The following ARHGEF18 variants were observed in gnomAD, a reference collection of about 807,000 sequenced individuals.
The protein encoded by ARHGEF18 is Rho/Rac guanine nucleotide exchange factor 18, also known as rho guanine nucleotide exchange factor 18.
In ARHGEF18, 93 loss-of-function variants were observed where a neutral mutation model predicts 155.7. That is an observed-to-expected ratio of 0.60 (90% CI 0.50 to 0.71). The LOEUF is 0.71. Among genes scored for constraint, ARHGEF18 ranks in the 30% least tolerant of loss-of-function variants. The pLI, the probability that ARHGEF18 is intolerant of heterozygous loss-of-function variation, is 0.00. For missense variants in ARHGEF18, 1,593 were observed against 1,816.1 expected (o/e 0.88, Z 2.23); for synonymous variants, 742 against 753.1 (o/e 0.99, Z 0.24).
the ARHGEF18 span, among the ~76,000 whole-genome samples, chr19:7,479,983 GC>G: frequency 2.6e-5 from 4 of 152,128 alleles, no homozygotes; most frequent in African/African-American, 9.7e-5. Context: ...TAAAGTCTGG[GC>G]CGGGAGTGGT....
chr19:7,472,977 C>T (rs747078045), downstream of ARHGEF18: 20 of 455,934 alleles, frequency 4.4e-5, no homozygotes, highest in African/African-American at 1.8e-4. Context: ...GCTGGGATTA[C>T]GGGCACAGGG....
At chr19:7,371,520 T>TA (rs1289337537) in intron 2 of ARHGEF18, among the ~76,000 whole-genome samples, 2 of 151,950 alleles carry the variant, frequency 1.3e-5, no homozygotes, top group South Asian at 2.1e-4. Flanking sequence ...CCGTCTCTAA[T>TA]AAAAAATATA....
intron 3 of ARHGEF18, among the ~76,000 whole-genome samples, chr19:7,375,361 G>GAAAGAAAAAGAAAGAA (rs1970402990): frequency 1.6e-5 from 2 of 122,620 alleles, no homozygotes; most frequent in African/African-American, 6.8e-5. Context: ...AGAAAAGGAA[G>GAAAGAAAAAGAAAGAA]GAAGGAAGGA....
At chr19:7,475,416 G>A (rs1442653280), downstream of ARHGEF18, among the ~76,000 whole-genome samples, 1 of 152,166 alleles carries the variant, frequency 6.6e-6, no homozygotes, top group African/African-American at 2.4e-5. Flanking sequence ...ATGTTCTAAG[G>A]TTGACTGTGG....
chr19:7,424,486 C>A (rs780773372), intron 10 of ARHGEF18, among the ~76,000 whole-genome samples: 2 of 152,112 alleles, frequency 1.3e-5, no homozygotes, highest in Non-Finnish European at 2.9e-5. Flanking sequence ...AATTGGAATG[C>A]CTCGAATGTC....
intron 15 of ARHGEF18, among the ~76,000 whole-genome samples, chr19:7,448,677 A>G (rs1472404936): frequency 2.0e-5 from 3 of 151,916 alleles, no homozygotes; most frequent in African/African-American, 7.3e-5. Flanking sequence ...AATACAAAAA[A>G]AAAAAAGGAG....
In ARHGEF18 at chr19:7,376,757, G is replaced by C; in HGVS notation, c.541G>C (p.Gly181Arg). 8.1e-7 allele frequency: 1 copy of C among 1,234,280 alleles called. No individual in the cohort carries two copies. The highest frequency in any genetic ancestry group is 1.0e-6 in the Non-Finnish European group (1 of 988,084). 76.5% of individuals were successfully genotyped at this position (1,234,280 alleles called of 1,614,324 possible). ...GGAAGTGCCCACTCCACCTGTTCAA[G>C]GTAGCCAGCCTGGGAGTTTCCTTCA... The part of the protein sequence containing the change: ...GLEVPTPPVQ[G>R]LEPPVLECME... Residue 181 changes from glycine (G) to arginine (R), a missense_variant and splice_region_variant, in exon 5 of 29, where the codon GGC (glycine) becomes CGC (arginine). By Grantham distance (125) the Gly-to-Arg change is moderately radical. Transcript: ENST00000668164.
intron 10 of ARHGEF18, among the ~76,000 whole-genome samples, chr19:7,385,387 G>A (rs189784523): frequency 6.6e-6 from 1 of 151,830 alleles, no homozygotes; most frequent in Admixed American, 6.6e-5. Context: ...GTCACCCAAG[G>A]TCTTGTATGT....
chr19:7,479,210 G>A, the ARHGEF18 span, among the ~76,000 whole-genome samples: 13 of 152,310 alleles, frequency 8.5e-5, no homozygotes, highest in East Asian at 1.9e-4. Flanking sequence ...TGGGCCAAGC[G>A]CGATGGCTCA....
intron 14 of ARHGEF18, among the ~76,000 whole-genome samples, chr19:7,446,025 T>C (rs1568342737): frequency 6.6e-6 from 1 of 152,134 alleles, no homozygotes. Context: ...AAGCAGAAGG[T>C]TTTTTTATTT....
At chr19:7,367,315 T>C (rs1285303928) in intron 2 of ARHGEF18, among the ~76,000 whole-genome samples, 1 of 152,082 alleles carries the variant, frequency 6.6e-6, no homozygotes, top group Non-Finnish European at 1.5e-5. Context: ...TTGAAAACCA[T>C]CTGCCCTGTG....
chr19:7,389,615 C>A (rs188564239), intron 10 of ARHGEF18, among the ~76,000 whole-genome samples: 1 of 151,542 alleles, frequency 6.6e-6, no homozygotes, highest in African/African-American at 2.4e-5. Flanking sequence ...CTCACTGCAA[C>A]CTCCACCTCC....
intron 1 of ARHGEF18, among the ~76,000 whole-genome samples, chr19:7,352,053 T>C (rs1969170839): frequency 6.6e-6 from 1 of 152,114 alleles, no homozygotes; most frequent in South Asian, 2.1e-4. Flanking sequence ...ATTGTCTGTG[T>C]TTCTTCTTGT....
At chr19:7,369,321 C>A (rs565654588) in intron 2 of ARHGEF18, among the ~76,000 whole-genome samples, 1 of 151,820 alleles carries the variant, frequency 6.6e-6, no homozygotes, top group Admixed American at 6.6e-5. Flanking sequence ...ATTAGCTGGG[C>A]GTGGTGGCAC....
rs555456960 is a variant in ARHGEF18 at position 7,437,489 on chromosome 19, G to A, written c.968-2855G>A. On this transcript the variant is annotated intron_variant, in intron 10 of 28. Transcript: ENST00000668164. ...CTCCCAGGAGAGCTGCTGCGAGTAC[G>A]TTTTCCCTAGGGTAAGCTCTGCCCA... Among the ~76,000 whole-genome samples, 12 of 151,404 alleles carry A rather than the reference G, an allele frequency of 7.9e-5. No homozygotes were observed. The South Asian group carries it at 1.3e-3, about 16-fold the overall frequency.
At position 7,470,512 on chromosome 19, in the gene ARHGEF18, ATC is replaced by A. The variant is rs201869076; in HGVS notation, c.*218_*219del. On this transcript the variant is annotated 3_prime_UTR_variant, in exon 29 of 29. Coordinates refer to ENST00000668164, the MANE Select transcript of ARHGEF18 (RefSeq NM_001367823.1). This position sits in a 1 kb window ranked among gnomAD's most constrained non-coding sequence, Gnocchi z 5.9. ...CGGTGGTGCCGGGGTCACTTTCTGA[ATC>A]TCTTTTTTTTTTTTTCAAAAAGGAA... 0.013 allele frequency: 5,281 copies of A among 418,478 alleles called. 23 individuals are homozygous for A. The highest frequency in any genetic ancestry group is 0.016 in the Non-Finnish European group (4,026 of 250,922). 25.9% of individuals were successfully genotyped at this position (418,478 alleles called of 1,614,324 possible).
At chr19:7,461,665 G>A (rs138014585) in intron 20 of ARHGEF18, among the ~76,000 whole-genome samples, 10 of 152,258 alleles carry the variant, frequency 6.6e-5, no homozygotes, top group African/African-American at 1.9e-4. Flanking sequence ...ACACCCTACT[G>A]TGTTTGATTT....
intron 1 of ARHGEF18, among the ~76,000 whole-genome samples, chr19:7,361,866 C>T (rs976729966): frequency 1.4e-4 from 21 of 151,696 alleles, no homozygotes; most frequent in African/African-American, 5.1e-4. Flanking sequence ...GTGGTGTGCA[C>T]CTGTAATCCC....
At chr19:7,380,497 G>T (rs1325803972) in intron 7 of ARHGEF18, among the ~76,000 whole-genome samples, 1 of 148,446 alleles carries the variant, frequency 6.7e-6, no homozygotes, top group Non-Finnish European at 1.5e-5. Context: ...AAAAAACTGT[G>T]TAAGATTTAA....
Sources: gnomAD v4.1 joint callset for allele counts (sites outside exome capture counted in the v4.1 genomes callset) on GRCh38, gnomAD v4.1.1 for gene constraint, Gnocchi (gnomAD v3.1) non-coding constraint, MANE v1.5 for transcripts, NCBI Gene and HGNC (gene_info 2026-07-23, HGNC 2026-07-21) for gene names.